The following ELMO1 variants were observed in gnomAD, a reference collection of about 807,000 sequenced individuals.
ELMO1 encodes engulfment and cell motility protein 1.
A neutral mutation model predicts 98.9 loss-of-function variants in ELMO1; 26 were observed. The ratio of observed to expected loss-of-function variants is 0.26; its 90% CI spans 0.19 to 0.36. The LOEUF (loss-of-function observed/expected upper bound fraction) is 0.36, where lower values mean the gene tolerates loss of function less well. ELMO1 is among the 10% of genes least tolerant of loss of function. The pLI, the probability that ELMO1 is intolerant of heterozygous loss-of-function variation, is 1.00. For missense variants in ELMO1, 627 were observed against 935.2 expected (o/e 0.67, Z 4.30); for synonymous variants, 346 against 346.0 (o/e 1.00, Z 0.00).
At position 37,398,940 on chromosome 7, in the gene ELMO1, A is replaced by C. The variant is rs1213216134; in HGVS notation, c.-74+49735T>G. On this transcript the variant is annotated intron_variant, in intron 1 of 21. Coordinates refer to ENST00000310758, the MANE Select transcript of ELMO1 (RefSeq NM_014800.11). ...ATTACAGCTTAGTGCGGCATGGAGC[A>C]GTATCCCATATGTACTTTTATGTAC... Among the ~76,000 whole-genome samples the C allele has an allele frequency of 2.6e-5, 4 of 152,308 alleles. No individual in the cohort carries two copies. In the South Asian group the frequency reaches 8.3e-4, roughly 32 times the overall value.
intron 1 of ELMO1, among the ~76,000 whole-genome samples, chr7:37,356,114 T>C (rs1340082798): frequency 6.6e-6 from 1 of 152,108 alleles, no homozygotes; most frequent in African/African-American, 2.4e-5. Flanking sequence ...CTCTCCTTTC[T>C]CCCATCTCTC....
intron 14 of ELMO1, among the ~76,000 whole-genome samples, chr7:37,101,823 C>G (rs1294536854): frequency 1.3e-5 from 2 of 151,928 alleles, no homozygotes; most frequent in Non-Finnish European, 1.5e-5. Flanking sequence ...GAGAGAGTCA[C>G]TCAGGTTAAA....
chr7:37,373,863 T>C (rs1802218521), intron 1 of ELMO1, among the ~76,000 whole-genome samples: 1 of 152,232 alleles, frequency 6.6e-6, no homozygotes, highest in Non-Finnish European at 1.5e-5. Flanking sequence ...CAAAGGCTCA[T>C]GTTTAAGGCA....
At chr7:37,015,489 T>TAC (rs1360108563) in intron 15 of ELMO1, among the ~76,000 whole-genome samples, 5 of 152,062 alleles carry the variant, frequency 3.3e-5, no homozygotes, top group Non-Finnish European at 5.9e-5. Context: ...TAGTCCCAGC[T>TAC]ACTCTGGAGG....
intron 13 of ELMO1, among the ~76,000 whole-genome samples, chr7:37,191,747 G>T (rs146668111): frequency 6.6e-6 from 1 of 152,116 alleles, no homozygotes; most frequent in African/African-American, 2.4e-5. Flanking sequence ...GTCAAAACCC[G>T]TCTCTGCTAA....
intron 4 of ELMO1, among the ~76,000 whole-genome samples, chr7:37,287,792 T>C (rs1797469987): frequency 6.6e-6 from 1 of 152,204 alleles, no homozygotes; most frequent in Non-Finnish European, 1.5e-5. Context: ...ACAATTTCTC[T>C]GGTACCTCCT....
chr7:37,432,415 C>T (rs1275177404), intron 1 of ELMO1, among the ~76,000 whole-genome samples: 1 of 152,186 alleles, frequency 6.6e-6, no homozygotes, highest in Non-Finnish European at 1.5e-5. Context: ...GAATATGCTC[C>T]ATTTCCAGAG....
At chr7:37,140,351 A>C (rs1584708437) in intron 13 of ELMO1, among the ~76,000 whole-genome samples, 2 of 151,572 alleles carry the variant, frequency 1.3e-5, no homozygotes, top group South Asian at 4.2e-4. Context: ...GCGCCAGTGC[A>C]CTCCAGCCTG....
chr7:37,239,745 C>T (rs17170955), intron 7 of ELMO1, among the ~76,000 whole-genome samples: 11,587 of 152,250 alleles, frequency 0.076, 582 homozygotes, highest in South Asian at 0.23. Flanking sequence ...CTCAGTGGAA[C>T]GCTGCAGAAT....
intron 4 of ELMO1, among the ~76,000 whole-genome samples, chr7:37,306,274 A>G (rs1303669064): frequency 6.6e-6 from 1 of 152,236 alleles, no homozygotes; most frequent in East Asian, 1.9e-4. Flanking sequence ...AGCTACACCA[A>G]GGAGACAAAT....
intron 15 of ELMO1, among the ~76,000 whole-genome samples, chr7:37,093,586 T>C (rs1014921860): frequency 2.6e-5 from 4 of 152,144 alleles, no homozygotes; most frequent in South Asian, 2.1e-4. Flanking sequence ...AGAAGAAAAA[T>C]AGGCATTTCT....
At chr7:37,387,288 T>C (rs1236814110) in intron 1 of ELMO1, among the ~76,000 whole-genome samples, 2 of 152,168 alleles carry the variant, frequency 1.3e-5, no homozygotes, top group Non-Finnish European at 2.9e-5. Context: ...GGCTAGAAGT[T>C]ACAAGGCCAA....
chr7:37,223,087 G>A (rs375778758), intron 9 of ELMO1, among the ~76,000 whole-genome samples: 11 of 152,244 alleles, frequency 7.2e-5, no homozygotes, highest in Middle Eastern at 6.8e-3. Context: ...AATATATCAG[G>A]GAGTAGTTTC....
intron 16 of ELMO1, among the ~76,000 whole-genome samples, chr7:36,979,588 T>C (rs1790873413): frequency 6.6e-6 from 1 of 152,232 alleles, no homozygotes; most frequent in Non-Finnish European, 1.5e-5. Context: ...GCTCTGCTAC[T>C]ACCCTCATGG....
chr7:37,388,229 T>G (rs893219429), intron 1 of ELMO1, among the ~76,000 whole-genome samples: 2 of 152,142 alleles, frequency 1.3e-5, no homozygotes, highest in Non-Finnish European at 2.9e-5. Context: ...AAGCCTCCTA[T>G]GAGTGTGAAA....
intron 16 of ELMO1, among the ~76,000 whole-genome samples, chr7:36,901,004 G>A (rs560659054): frequency 4.0e-5 from 6 of 151,392 alleles, no homozygotes; most frequent in African/African-American, 1.2e-4. Flanking sequence ...GGATCGCTTT[G>A]GGGCTACACT....
Position 37,162,106 on chromosome 7 carries a change from A to T in ELMO1, c.1087-28872T>A, listed in dbSNP as rs933425100. Among the ~76,000 whole-genome samples the T allele has an allele frequency of 3.4e-4, 51 of 150,804 alleles. 1 individual carries two copies. Among genetic ancestry groups the T allele is most frequent in the Non-Finnish European group, 1.0e-4 (7 of 67,676 alleles). On this transcript the variant is annotated intron_variant, in intron 13 of 21. Coordinates refer to ENST00000310758, the MANE Select transcript of ELMO1 (RefSeq NM_014800.11). ...GTGGGGGTAAACTGGAACTAAGTAAATTTAATGTCTGATACACTCAATTCC... is the reference window on the plus strand; with the variant it reads ...GTGGGGGTAAACTGGAACTAAGTAATTTTAATGTCTGATACACTCAATTCC...
intron 16 of ELMO1, among the ~76,000 whole-genome samples, chr7:36,968,138 T>C (rs1353281777): frequency 6.6e-6 from 1 of 152,216 alleles, no homozygotes; most frequent in South Asian, 2.1e-4. Context: ...TTTAAGTTTA[T>C]AATTCCATGC....
chr7:37,168,852 C>A (rs1027338213), intron 13 of ELMO1, among the ~76,000 whole-genome samples: 1 of 152,162 alleles, frequency 6.6e-6, no homozygotes, highest in Admixed American at 6.5e-5. Flanking sequence ...GCTGGGAGAA[C>A]CACTGCTCTC....
Sources: allele counts gnomAD v4.1 joint callset (sites outside exome capture counted in the v4.1 genomes callset), GRCh38; gene constraint gnomAD v4.1.1; transcripts MANE v1.5; gene names NCBI Gene and HGNC (gene_info 2026-07-23, HGNC 2026-07-21).